The following STK33 variants were observed in gnomAD, a reference collection of about 807,000 sequenced individuals.
STK33 encodes the protein serine/threonine kinase 33, also known as serine/threonine-protein kinase 33.
STK33 carries 52 observed loss-of-function variants against 58.0 expected under a neutral mutation model. The ratio of observed to expected loss-of-function variants is 0.90; its 90% CI spans 0.72 to 1.13. The LOEUF is 1.13. Among genes scored for constraint, STK33 ranks in the 50% most tolerant of loss-of-function variants. The pLI is 0.00. For missense variants in STK33, 630 were observed against 604.2 expected, an observed-to-expected ratio of 1.04 and a Z score of -0.45; for synonymous variants, 215 against 200.1, an observed-to-expected ratio of 1.07 and a Z score of -0.63.
At chr11:8,375,925 G>A in the STK33 span, among the ~76,000 whole-genome samples, 1 of 152,228 alleles carries the variant, frequency 6.6e-6, no homozygotes. Context: ...CTTTATAGTA[G>A]TGTGAAAATG....
At chr11:8,577,020 G>A (rs899085165) in intron 1 of STK33, among the ~76,000 whole-genome samples, 4 of 152,140 alleles carry the variant, frequency 2.6e-5, no homozygotes, top group Admixed American at 6.6e-5. Flanking sequence ...AACGTGCTGG[G>A]ACTACAGGCA....
At chr11:8,407,692 A>G (rs560949574) in intron 15 of STK33, among the ~76,000 whole-genome samples, 54 of 152,260 alleles carry the variant, frequency 3.5e-4, no homozygotes, top group Admixed American at 2.7e-3. Context: ...AAAAAAGATT[A>G]AAAAATGGAT....
At chr11:8,538,956 A>G (rs1364209501) in intron 1 of STK33, among the ~76,000 whole-genome samples, 1 of 152,240 alleles carries the variant, frequency 6.6e-6, no homozygotes, top group African/African-American at 2.4e-5. Context: ...CTTTCTGACA[A>G]AAGAAGGATG....
chr11:8,444,801 A>G (rs906215052), intron 11 of STK33, among the ~76,000 whole-genome samples: 1 of 152,152 alleles, frequency 6.6e-6, no homozygotes, highest in African/African-American at 2.4e-5. Flanking sequence ...TTATCCCCAA[A>G]AAAGCAGCAG....
At chr11:8,350,395 C>T in the STK33 span, among the ~76,000 whole-genome samples, 1 of 152,338 alleles carries the variant, frequency 6.6e-6, no homozygotes, top group Admixed American at 6.5e-5. Flanking sequence ...CCCCAGCCAA[C>T]AAATGAGGCT....
chr11:8,437,319 A>C, intron 12 of STK33, among the ~76,000 whole-genome samples: 1 of 152,210 alleles, frequency 6.6e-6, no homozygotes, highest in South Asian at 2.1e-4. Flanking sequence ...TCAAAACTAC[A>C]AGAACAAGCT....
intron 15 of STK33, among the ~76,000 whole-genome samples, chr11:8,403,244 T>G (rs949613294): frequency 3.9e-5 from 6 of 152,184 alleles, no homozygotes; most frequent in Admixed American, 3.3e-4. Flanking sequence ...CTAGCTATCA[T>G]CAGAAAGCAT....
chr11:8,387,958 G>C (rs1047733378), downstream of STK33, among the ~76,000 whole-genome samples: 6 of 152,316 alleles, frequency 3.9e-5, no homozygotes, highest in African/African-American at 1.4e-4. Flanking sequence ...AAAGGGCAGG[G>C]AGACTTCTAT....
intron 1 of STK33, among the ~76,000 whole-genome samples, chr11:8,491,273 T>C (rs949631961): frequency 3.4e-4 from 52 of 152,236 alleles, no homozygotes; most frequent in South Asian, 2.1e-3. Flanking sequence ...CTGAAAACCA[T>C]GGCGCAAGAA....
chr11:8,494,181 T>C (rs1364753382), intron 1 of STK33, among the ~76,000 whole-genome samples: 4 of 152,140 alleles, frequency 2.6e-5, no homozygotes, highest in Non-Finnish European at 5.9e-5. Flanking sequence ...GATGACATGA[T>C]TGTATATTTA....
chr11:8,529,440 C>T (rs987764764), intron 1 of STK33, among the ~76,000 whole-genome samples: 2 of 152,164 alleles, frequency 1.3e-5, no homozygotes, highest in Admixed American at 1.3e-4. Flanking sequence ...ATTCAGAATT[C>T]AAGGTTCCTA....
intron 9 of STK33, 147 bp downstream of exon 9, chr11:8,457,190 AAGTT>A (rs60714111): frequency 0.039 from 23,939 of 614,862 alleles, 913 homozygotes; most frequent in African/African-American, 0.16. Context: ...TCTAAAAAGA[AAGTT>A]AAAAAGGAAA....
At chr11:8,444,479 T>C (rs1449423970) in intron 11 of STK33, among the ~76,000 whole-genome samples, 1 of 152,172 alleles carries the variant, frequency 6.6e-6, no homozygotes, top group Non-Finnish European at 1.5e-5. Flanking sequence ...TTTTAATACC[T>C]AGAACAATGT....
intron 1 of STK33, among the ~76,000 whole-genome samples, chr11:8,511,080 A>G (rs1952282973): frequency 6.6e-6 from 1 of 152,186 alleles, no homozygotes; most frequent in Non-Finnish European, 1.5e-5. Context: ...TGCTTTTGGC[A>G]GTATGGTCAT....
At position 8,473,269 on chromosome 11, in the gene STK33, C is replaced by T. The variant is rs1000718172; in HGVS notation, c.233G>A (p.Arg78Lys). The T allele has an allele frequency of 3.8e-6, 6 of 1,597,118 alleles. No homozygotes were observed. In the East Asian group the frequency reaches 1.1e-4, roughly 30 times the overall value. ...TGCTTTTCTCTCTACATTTGAGGTT[C>T]TTGAGGGCTGGGACCAAAAAAAAAA... ...DITSRKDLPS[R>K]TSNVERKASQ... Residue 78 changes from arginine to lysine, a missense_variant, in exon 6 of 16, where the codon AGA (arginine) becomes AAA (lysine). Arg to Lys is a conservative substitution (Grantham distance 26). Transcript: ENST00000687296.
In STK33 at chr11:8,450,051, C is replaced by T. The variant is rs183718765; in HGVS notation, c.871+2771G>A. Among the ~76,000 whole-genome samples the T allele has an allele frequency of 2.6e-4, 40 of 152,098 alleles. 2 individuals are homozygous for T. Among genetic ancestry groups the T allele is most frequent in the East Asian group, 2.5e-3 (13 of 5,166 alleles). On this transcript the variant is annotated intron_variant, in intron 11 of 15. Coordinates refer to ENST00000687296, the MANE Select transcript of STK33 (RefSeq NM_001352389.2). ...CATTTGACCCAGCAATCCATTACTG[C>T]GTATATATATACCCAAAGGATTATA...
At chr11:8,417,846 T>C (rs1200018569) in intron 14 of STK33, among the ~76,000 whole-genome samples, 1 of 152,174 alleles carries the variant, frequency 6.6e-6, no homozygotes, top group African/African-American at 2.4e-5. Context: ...CTCACTTACT[T>C]GCTTTTTATG....
intron 1 of STK33, among the ~76,000 whole-genome samples, chr11:8,491,021 A>G (rs1476737321): frequency 6.6e-6 from 1 of 152,244 alleles, no homozygotes; most frequent in Non-Finnish European, 1.5e-5. Flanking sequence ...TCTAAAAACC[A>G]GAGCACCTCT....
At chr11:8,356,552 G>T in the STK33 span, among the ~76,000 whole-genome samples, 1 of 151,790 alleles carries the variant, frequency 6.6e-6, no homozygotes, top group Non-Finnish European at 1.5e-5. Flanking sequence ...GGCGTGGGGG[G>T]ACCTTAGGGC....
Sources: allele counts gnomAD v4.1 joint callset (sites outside exome capture counted in the v4.1 genomes callset), GRCh38; gene constraint gnomAD v4.1.1; transcripts MANE v1.5; gene names NCBI Gene and HGNC (gene_info 2026-07-23, HGNC 2026-07-21).